Variants in ANKS1B observed in about 807,000 individuals in gnomAD.
The protein encoded by ANKS1B is ankyrin repeat and sterile alpha motif domain containing 1B.
ANKS1B carries 36 observed loss-of-function variants against 148.3 expected under a neutral mutation model. The ratio of observed to expected loss-of-function variants is 0.24; its 90% CI spans 0.19 to 0.32. The LOEUF (loss-of-function observed/expected upper bound fraction) is 0.32, where lower values mean the gene tolerates loss of function less well. ANKS1B is among the 10% of genes least tolerant of loss of function. ANKS1B has a pLI of 1.00. For synonymous variants in ANKS1B, 542 were observed against 560.8 expected (o/e 0.97, Z 0.47); for missense variants, 1,157 against 1,542.6 (o/e 0.75, Z 4.19).
intron 9 of ANKS1B, among the ~76,000 whole-genome samples, chr12:99,541,172 T>C (rs1397343600): frequency 6.6e-6 from 1 of 151,906 alleles, no homozygotes; most frequent in East Asian, 1.9e-4. Context: ...GCTTCAAAGG[T>C]GAATTAAACC....
At chr12:99,790,480 C>T (rs539400081) in intron 4 of ANKS1B, among the ~76,000 whole-genome samples, 19 of 152,082 alleles carry the variant, frequency 1.2e-4, no homozygotes, top group African/African-American at 4.1e-4. Context: ...CCTGTAATTA[C>T]GGTGTGAAAA....
chr12:98,762,247 T>C (rs1432415966), intron 25 of ANKS1B, among the ~76,000 whole-genome samples: 1 of 152,198 alleles, frequency 6.6e-6, no homozygotes, highest in Admixed American at 6.5e-5. Flanking sequence ...ACAGCACCTA[T>C]TGCCACTGAG....
At chr12:99,869,434 G>A (rs1436280002) in intron 1 of ANKS1B, among the ~76,000 whole-genome samples, 1 of 152,162 alleles carries the variant, frequency 6.6e-6, no homozygotes, top group East Asian at 1.9e-4. Flanking sequence ...AGCACTTTGG[G>A]AGGCTGAGGC....
intron 9 of ANKS1B, among the ~76,000 whole-genome samples, chr12:99,612,764 C>T (rs981870958): frequency 2.0e-5 from 3 of 152,082 alleles, no homozygotes; most frequent in African/African-American, 7.2e-5. Flanking sequence ...CTGTGTTCCA[C>T]CTGAAACATT....
chr12:99,399,588 G>C, intron 12 of ANKS1B, 43 bp downstream of exon 12: 1 of 1,591,096 alleles, frequency 6.3e-7, no homozygotes, highest in Non-Finnish European at 8.6e-7. Context: ...AAATACTTCA[G>C]TCTTAAAATA....
chr12:99,177,620 T>C (rs2078566832), intron 14 of ANKS1B, among the ~76,000 whole-genome samples: 2 of 152,254 alleles, frequency 1.3e-5, no homozygotes, highest in African/African-American at 4.8e-5. Flanking sequence ...TCTGCTGCAT[T>C]AGCACATCCC....
chr12:99,881,963 G>C (rs73374383), intron 1 of ANKS1B, among the ~76,000 whole-genome samples: 1,801 of 152,258 alleles, frequency 0.012, 31 homozygotes, highest in African/African-American at 0.041. Context: ...AAATTTCACA[G>C]ACATCAATGC....
chr12:99,855,054 G>A (rs1252375610), intron 1 of ANKS1B, among the ~76,000 whole-genome samples: 2 of 151,812 alleles, frequency 1.3e-5, no homozygotes, highest in African/African-American at 2.4e-5. Flanking sequence ...CTCACATCTC[G>A]ATACTAACAT....
At chr12:99,115,305 T>C (rs978380808) in intron 15 of ANKS1B, among the ~76,000 whole-genome samples, 7 of 152,258 alleles carry the variant, frequency 4.6e-5, no homozygotes, top group Admixed American at 2.6e-4. Flanking sequence ...AAGAACAAGA[T>C]CATGTCTTTT....
chr12:99,660,273 C>T (rs917253562), intron 8 of ANKS1B, among the ~76,000 whole-genome samples: 4 of 152,058 alleles, frequency 2.6e-5, no homozygotes, highest in African/African-American at 9.7e-5. Context: ...ACTTACTCTA[C>T]TTGCCTGATG....
At chr12:99,865,449 T>C (rs1479714920) in intron 1 of ANKS1B, among the ~76,000 whole-genome samples, 3 of 152,140 alleles carry the variant, frequency 2.0e-5, no homozygotes, top group African/African-American at 7.2e-5. Flanking sequence ...TTTGAAGAAG[T>C]GCAACACTTG....
intron 17 of ANKS1B, among the ~76,000 whole-genome samples, chr12:98,994,204 C>T (rs975588821): frequency 1.3e-5 from 2 of 152,124 alleles, no homozygotes; most frequent in Admixed American, 6.5e-5. Context: ...TTAAAAACTT[C>T]CCCTGTAACA....
intron 11 of ANKS1B, among the ~76,000 whole-genome samples, chr12:99,420,829 T>C (rs1358169874): frequency 6.6e-6 from 1 of 152,216 alleles, no homozygotes; most frequent in Non-Finnish European, 1.5e-5. Context: ...TCTCTAATTC[T>C]AAAACTCCTT....
intron 12 of ANKS1B, among the ~76,000 whole-genome samples, chr12:99,319,493 C>T (rs1250403755): frequency 6.6e-6 from 1 of 152,052 alleles, no homozygotes. Context: ...GGACTGCAAC[C>T]CCTGCTTTTT....
At chr12:99,950,575 T>G (rs529123819) in intron 1 of ANKS1B, among the ~76,000 whole-genome samples, 1 of 152,334 alleles carries the variant, frequency 6.6e-6, no homozygotes, top group East Asian at 1.9e-4. Flanking sequence ...AAAAATGTTA[T>G]TTTCTGAAGT....
intron 8 of ANKS1B, among the ~76,000 whole-genome samples, chr12:99,702,769 T>C (rs1434638355): frequency 8.6e-6 from 1 of 116,096 alleles, no homozygotes; most frequent in Non-Finnish European, 1.8e-5. Flanking sequence ...AGAAGCTTTT[T>C]AACTTGATGT....
At chr12:98,791,355 C>G (rs1485272191) in intron 22 of ANKS1B, among the ~76,000 whole-genome samples, 1 of 151,196 alleles carries the variant, frequency 6.6e-6, no homozygotes, top group Admixed American at 6.6e-5. Flanking sequence ...AGAAAACATT[C>G]ACAATGGGAA....
At chr12:99,243,724 C>T (rs936096552) in intron 14 of ANKS1B, among the ~76,000 whole-genome samples, 10 of 152,174 alleles carry the variant, frequency 6.6e-5, no homozygotes, top group African/African-American at 2.4e-4. Context: ...ATGTCCTTTG[C>T]AGGGACATGG....
intron 9 of ANKS1B, among the ~76,000 whole-genome samples, chr12:99,515,009 A>T (rs992033387): frequency 8.2e-6 from 1 of 122,400 alleles, no homozygotes; most frequent in Non-Finnish European, 1.6e-5. Flanking sequence ...TCTATCATTT[A>T]AAAAAAAAAA....
Sources: gnomAD v4.1 joint callset for allele counts (sites outside exome capture counted in the v4.1 genomes callset) on GRCh38, gnomAD v4.1.1 for gene constraint, MANE v1.5 for transcripts, NCBI Gene and HGNC (gene_info 2026-07-23, HGNC 2026-07-21) for gene names.